DCBLD1: variants seen among roughly 807,000 people sequenced by gnomAD.
The protein encoded by DCBLD1 is discoidin, CUB and LCCL domain-containing protein 1.
In DCBLD1, 57 loss-of-function variants were observed where a neutral mutation model predicts 71.5. The observed-to-expected ratio is 0.80, with a 90% confidence interval of 0.64 to 0.99. DCBLD1 has a LOEUF of 0.99. Among genes scored for constraint, DCBLD1 ranks in the 50% least tolerant of loss-of-function variants. The pLI is 0.00. For synonymous variants in DCBLD1, 380 were observed against 363.8 expected, an observed-to-expected ratio of 1.04 and a Z score of -0.51; for missense variants, 891 against 923.5, an observed-to-expected ratio of 0.96 and a Z score of 0.46.
downstream of DCBLD1, among the ~76,000 whole-genome samples, chr6:117,553,613 A>G (rs1779458867): frequency 6.6e-6 from 1 of 152,064 alleles, no homozygotes; most frequent in African/African-American, 2.4e-5. Context: ...CCTTATTTCC[A>G]TTCATTCTTT....
chr6:117,561,000 A>G (rs972757167), intron 14 of DCBLD1: 1 of 215,092 alleles, frequency 4.6e-6, no homozygotes, highest in Non-Finnish European at 9.4e-6. Context: ...ATCCCCAAAA[A>G]CCATACATTC....
At position 117,549,089 on chromosome 6, in the gene DCBLD1, A is replaced by G; in HGVS notation, c.*650A>G. 1 of 985,964 alleles carries G rather than the reference A, an allele frequency of 1.0e-6. No individual in the cohort carries two copies. Among genetic ancestry groups the G allele is most frequent in the Non-Finnish European group, 1.2e-6 (1 of 830,368 alleles). 61.1% of individuals were successfully genotyped at this position (985,964 alleles called of 1,614,324 possible). On this transcript the variant is annotated 3_prime_UTR_variant, in exon 15 of 15. Coordinates refer to ENST00000338728, the MANE Select transcript of DCBLD1 (RefSeq NM_001366458.2). ...TAGATTTAAAAACAAGCAAAGAAAC[A>G]ACACCTCAGCAGCTGCCCGTTTCCT...
intron 6 of DCBLD1, among the ~76,000 whole-genome samples, chr6:117,535,783 AAG>A (rs1388059573): frequency 1.3e-5 from 2 of 152,220 alleles, no homozygotes; most frequent in Non-Finnish European, 2.9e-5. Flanking sequence ...AAAATGGAAA[AAG>A]AGACAAAAGA....
At chr6:117,567,037 A>T (rs748309306) in intron 14 of DCBLD1, 15 of 1,553,874 alleles carry the variant, frequency 9.7e-6, no homozygotes, top group Non-Finnish European at 1.1e-5. Context: ...TCTCCTCTCT[A>T]AAACAGGAAA....
intron 4 of DCBLD1, among the ~76,000 whole-genome samples, chr6:117,523,987 T>C (rs1380564612): frequency 1.3e-5 from 2 of 152,192 alleles, no homozygotes; most frequent in Admixed American, 6.5e-5. Flanking sequence ...GCTGTCTTCA[T>C]ATCTTGTTGA....
chr6:117,536,815 G>T (rs911730388), intron 6 of DCBLD1, among the ~76,000 whole-genome samples: 1 of 152,200 alleles, frequency 6.6e-6, no homozygotes, highest in Admixed American at 6.5e-5. Flanking sequence ...TCATCATCTT[G>T]CAATAATTAA....
intron 1 of DCBLD1, among the ~76,000 whole-genome samples, chr6:117,484,735 A>ACT (rs1365903520): frequency 1.3e-5 from 2 of 152,120 alleles, no homozygotes; most frequent in Non-Finnish European, 2.9e-5. Context: ...TTCGTATTAG[A>ACT]CTTTTATTTA....
intron 14 of DCBLD1, among the ~76,000 whole-genome samples, chr6:117,556,515 T>C (rs1000171965): frequency 4.6e-5 from 7 of 152,238 alleles, no homozygotes; most frequent in Non-Finnish European, 8.8e-5. Context: ...GATAATGGTC[T>C]TCAGTTCCAT....
Position 117,548,513 on chromosome 6 carries a change from T to G in DCBLD1, c.*74T>G, listed in dbSNP as rs931169081. ...AAGGCACTGGAAGAAGGGAGCCTGC[T>G]GGTCCAGAGTGTGCGTGTGTATCGG... On this transcript the variant is annotated 3_prime_UTR_variant, in exon 15 of 15. Coordinates refer to ENST00000338728, the MANE Select transcript of DCBLD1 (RefSeq NM_001366458.2). 7.0e-5 allele frequency: 108 copies of G among 1,535,780 alleles called. No homozygotes were observed. In the East Asian group the frequency reaches 2.6e-3, roughly 37 times the overall value.
intron 2 of DCBLD1, among the ~76,000 whole-genome samples, chr6:117,513,556 T>G (rs1220193206): frequency 6.6e-6 from 1 of 152,178 alleles, no homozygotes; most frequent in East Asian, 1.9e-4. Flanking sequence ...TCCAGTGTGA[T>G]GGGAATTTGT....
intron 12 of DCBLD1, 131 bp from the exon 13 acceptor site, chr6:117,544,397 C>A: frequency 7.2e-6 from 5 of 694,298 alleles, no homozygotes; most frequent in Non-Finnish European, 8.7e-6. Context: ...AAGCACATGG[C>A]AGCTGCCATC....
intron 4 of DCBLD1, among the ~76,000 whole-genome samples, chr6:117,524,133 C>T (rs1426994839): frequency 5.3e-5 from 8 of 152,210 alleles, no homozygotes; most frequent in Middle Eastern, 3.4e-3. Context: ...CCTTCAGCTG[C>T]ACCACATACT....
chr6:117,551,361 TTCCA>T (rs1220824678), downstream of DCBLD1, among the ~76,000 whole-genome samples: 275 of 114,970 alleles, frequency 2.4e-3, no homozygotes, highest in Non-Finnish European at 3.8e-3. Flanking sequence ...ACCTGAGTAT[TTCCA>T]TTTATTTATT....
chr6:117,550,653 G>T (rs1386156108), downstream of DCBLD1, among the ~76,000 whole-genome samples: 3 of 152,130 alleles, frequency 2.0e-5, no homozygotes, highest in Non-Finnish European at 2.9e-5. Flanking sequence ...ATTGTTTTGT[G>T]TTTATTTTAT....
At chr6:117,519,246 T>A (rs1778306581) in intron 2 of DCBLD1, among the ~76,000 whole-genome samples, 1 of 152,230 alleles carries the variant, frequency 6.6e-6, no homozygotes, top group African/African-American at 2.4e-5. Flanking sequence ...AATTTTGTAC[T>A]ATAATATTTC....
Position 117,548,198 on chromosome 6 carries a change from C to A in DCBLD1, c.1907C>A (p.Ser636Ter). ...CCCGGCCACAAACACTCCCTCTCCT[C>A]GGGCGGCTTCTCCCCCGTAGCGGGT... ...PQPGHKHSLS[S>*]GGFSPVAGVG... Residue 636 changes from serine (S) to a stop codon, truncating the protein, a stop_gained, in exon 15 of 15, where the codon TCG becomes TAG. Coordinates refer to ENST00000338728, the MANE Select transcript of DCBLD1 (RefSeq NM_001366458.2). LOFTEE classifies it low-confidence loss of function (END_TRUNC). 1 of 1,550,474 alleles carries A rather than the reference C, an allele frequency of 6.4e-7. No homozygotes were observed. Among genetic ancestry groups the A allele is most frequent in the Non-Finnish European group, 8.7e-7 (1 of 1,146,956 alleles).
intron 14 of DCBLD1, among the ~76,000 whole-genome samples, chr6:117,559,860 T>C (rs1220422016): frequency 3.3e-5 from 5 of 152,332 alleles, no homozygotes; most frequent in African/African-American, 7.2e-5. Context: ...AAAAGACTTC[T>C]TTTCAAATCA....
At chr6:117,523,632 C>T (rs1395204428) in intron 4 of DCBLD1, among the ~76,000 whole-genome samples, 5 of 152,128 alleles carry the variant, frequency 3.3e-5, no homozygotes, top group Non-Finnish European at 5.9e-5. Context: ...AATGGGAATT[C>T]CCATTATTTT....
At chr6:117,511,967 G>A (rs1410901015) in intron 2 of DCBLD1, among the ~76,000 whole-genome samples, 1 of 152,122 alleles carries the variant, frequency 6.6e-6, no homozygotes, top group Non-Finnish European at 1.5e-5. Flanking sequence ...GTTTTATTTT[G>A]CCTTTTATGC....
Sources: gnomAD v4.1 joint callset for allele counts (sites outside exome capture counted in the v4.1 genomes callset) on GRCh38, gnomAD v4.1.1 for gene constraint, MANE v1.5 for transcripts, NCBI Gene and HGNC (gene_info 2026-07-23, HGNC 2026-07-21) for gene names.